Variants in MAF observed in about 807,000 individuals in gnomAD.
The protein encoded by MAF is MAF bZIP transcription factor.
In MAF, 10 loss-of-function variants were observed where a neutral mutation model predicts 22.0. That is an observed-to-expected ratio of 0.45 (90% CI 0.28 to 0.77). The LOEUF (loss-of-function observed/expected upper bound fraction) is 0.77, where lower values mean the gene tolerates loss of function less well. Among genes scored for constraint, MAF ranks in the 30% least tolerant of loss-of-function variants. The pLI is 0.12. For synonymous variants in MAF, 337 were observed against 255.8 expected (o/e 1.32, Z -3.03); for missense variants, 544 against 548.4 (o/e 0.99, Z 0.08).
the MAF span, among the ~76,000 whole-genome samples, chr16:79,208,354 A>C: frequency 6.7e-6 from 1 of 149,906 alleles, no homozygotes; most frequent in Non-Finnish European, 1.5e-5. Flanking sequence ...TATACAACCT[A>C]CAGGCTTCTG....
At chr16:79,450,396 T>C in the MAF span, among the ~76,000 whole-genome samples, 48 of 152,232 alleles carry the variant, frequency 3.2e-4, no homozygotes, top group Non-Finnish European at 5.6e-4. Context: ...TGTAGACTCT[T>C]GCAAAGAATT....
chr16:79,442,884 G>A, the MAF span, among the ~76,000 whole-genome samples: 1 of 152,176 alleles, frequency 6.6e-6, no homozygotes, highest in Admixed American at 6.5e-5. Flanking sequence ...GGCTGTAATG[G>A]GTACTCAGAC....
the MAF span, among the ~76,000 whole-genome samples, chr16:79,425,114 C>A: frequency 2.6e-5 from 4 of 151,928 alleles, no homozygotes; most frequent in African/African-American, 9.7e-5. Context: ...TACTTTTCAT[C>A]GTATTAATTA....
At chr16:79,464,983 A>G in the MAF span, among the ~76,000 whole-genome samples, 1 of 152,224 alleles carries the variant, frequency 6.6e-6, no homozygotes, top group Non-Finnish European at 1.5e-5. Flanking sequence ...AATGTGGCTG[A>G]GTATATAGTC....
At chr16:79,583,035 G>A (rs146667174), downstream of MAF, among the ~76,000 whole-genome samples, 52 of 152,270 alleles carry the variant, frequency 3.4e-4, 1 homozygote, top group African/African-American at 1.2e-3. Context: ...GATGGGTTCT[G>A]CAAGGGAAAT....
chr16:79,403,351 G>C, the MAF span, among the ~76,000 whole-genome samples: 6 of 152,168 alleles, frequency 3.9e-5, no homozygotes, highest in East Asian at 1.9e-4. Context: ...ACAAGCTCTC[G>C]CCTGGGTTAT....
the MAF span, among the ~76,000 whole-genome samples, chr16:79,519,116 C>T: frequency 6.6e-6 from 1 of 152,130 alleles, no homozygotes; most frequent in African/African-American, 2.4e-5. Context: ...TGCCTATTAT[C>T]TTGGTTGATC....
the MAF span, among the ~76,000 whole-genome samples, chr16:79,504,802 G>C: frequency 1.3e-5 from 2 of 152,210 alleles, no homozygotes; most frequent in Non-Finnish European, 2.9e-5. Flanking sequence ...TTTCTTGCCA[G>C]AGTTTGGAGG....
chr16:79,282,368 G>T, the MAF span, among the ~76,000 whole-genome samples: 3 of 152,118 alleles, frequency 2.0e-5, no homozygotes, highest in Non-Finnish European at 2.9e-5. Flanking sequence ...TTAACTTTGT[G>T]ATCATAAAAA....
At chr16:79,434,147 C>T in the MAF span, among the ~76,000 whole-genome samples, 10 of 152,182 alleles carry the variant, frequency 6.6e-5, 1 homozygote, top group Non-Finnish European at 8.8e-5. Flanking sequence ...GCACACTGGG[C>T]CATGCAAGAT....
At chr16:79,456,451 A>T in the MAF span, among the ~76,000 whole-genome samples, 1 of 152,196 alleles carries the variant, frequency 6.6e-6, no homozygotes, top group Non-Finnish European at 1.5e-5. Flanking sequence ...AGGTCCAAGG[A>T]ATTAGAGCCT....
chr16:79,460,971 C>T, the MAF span, among the ~76,000 whole-genome samples: 6 of 152,106 alleles, frequency 3.9e-5, no homozygotes, highest in East Asian at 1.9e-4. Context: ...ATCTGAGTCT[C>T]CCTGGCTGCC....
chr16:79,542,399 T>C, the MAF span, among the ~76,000 whole-genome samples: 2 of 152,114 alleles, frequency 1.3e-5, no homozygotes, highest in African/African-American at 2.4e-5. Flanking sequence ...TTGGATTAGA[T>C]AGAGTCAAGG....
the MAF span, among the ~76,000 whole-genome samples, chr16:79,246,401 C>T: frequency 0.14 from 21,344 of 151,952 alleles, 2,266 homozygotes; most frequent in African/African-American, 0.3. Context: ...AAGTCACCAT[C>T]TGGCTATCTT....
At chr16:79,414,190 G>A in the MAF span, among the ~76,000 whole-genome samples, 3 of 152,140 alleles carry the variant, frequency 2.0e-5, no homozygotes, top group Non-Finnish European at 4.4e-5. Context: ...GAGTGTCTTG[G>A]TCCATTTTGT....
the MAF span, among the ~76,000 whole-genome samples, chr16:79,252,810 T>A: frequency 6.6e-6 from 1 of 152,120 alleles, no homozygotes. Context: ...TTTTTGCCCC[T>A]GTGAGTTACT....
At chr16:79,511,060 A>G in the MAF span, among the ~76,000 whole-genome samples, 4 of 151,800 alleles carry the variant, frequency 2.6e-5, no homozygotes, top group Non-Finnish European at 4.4e-5. Flanking sequence ...GAGGCCAGAA[A>G]GCAGCAAATG....
At chr16:79,236,379 G>C in the MAF span, among the ~76,000 whole-genome samples, 7 of 151,938 alleles carry the variant, frequency 4.6e-5, no homozygotes, top group African/African-American at 1.4e-4. Context: ...CGTCCTCCAA[G>C]AGCCACATCC....
At chr16:79,544,175 T>C in the MAF span, among the ~76,000 whole-genome samples, 1 of 152,152 alleles carries the variant, frequency 6.6e-6, no homozygotes, top group Non-Finnish European at 1.5e-5. Context: ...TACACTAAAA[T>C]AAGAGGAGCA....
Sources: allele counts gnomAD v4.1 joint callset (sites outside exome capture counted in the v4.1 genomes callset), GRCh38; gene constraint gnomAD v4.1.1; transcripts MANE v1.5; gene names NCBI Gene and HGNC (gene_info 2026-07-23, HGNC 2026-07-21).